The following SC5D variants were observed in gnomAD, a reference collection of about 807,000 sequenced individuals.
The protein encoded by SC5D is sterol-C5-desaturase, also known as lathosterol oxidase.
SC5D carries 21 observed loss-of-function variants against 23.9 expected under a neutral mutation model. The observed-to-expected ratio is 0.88, with a 90% CI of 0.62 to 1.26. The LOEUF is 1.26. SC5D is among the 50% of genes most tolerant of loss of function. The probability of loss-of-function intolerance (pLI) is 0.00; values close to 1 mark genes in which losing one functional copy is unlikely to be tolerated. For missense variants in SC5D, 309 were observed against 364.8 expected, an observed-to-expected ratio of 0.85 and a Z score of 1.25; for synonymous variants, 113 against 125.9, an observed-to-expected ratio of 0.90 and a Z score of 0.68.
intron 1 of SC5D, among the ~76,000 whole-genome samples, chr11:121,302,441 C>T (rs1264093723): frequency 6.6e-6 from 1 of 152,202 alleles, no homozygotes; most frequent in African/African-American, 2.4e-5. Context: ...TATCACCGAA[C>T]TGTATTGTAA....
intron 1 of SC5D, among the ~76,000 whole-genome samples, chr11:121,300,572 A>G (rs1225693078): frequency 6.6e-6 from 1 of 152,224 alleles, no homozygotes; most frequent in African/African-American, 2.4e-5. Flanking sequence ...CACTATTATC[A>G]GCTGGCACTA....
At chr11:121,306,602 G>A (rs1202053019) in intron 4 of SC5D, 116 bp downstream of exon 4, 1 of 713,620 alleles carries the variant, frequency 1.4e-6, no homozygotes, top group Non-Finnish European at 2.6e-6. Context: ...TGTCTAAGTA[G>A]CCATAATCAT....
At chr11:121,298,871 A>G (rs950297961) in intron 1 of SC5D, among the ~76,000 whole-genome samples, 6 of 152,164 alleles carry the variant, frequency 3.9e-5, no homozygotes, top group African/African-American at 7.2e-5. Context: ...GGTAGTGGAA[A>G]ATTATAGTCA....
In SC5D at chr11:121,312,342, T is replaced by C. The variant is rs1397103925; in HGVS notation, c.*4830T>C. The stretch of plus-strand genomic sequence containing the variant: ...GCATTTTTAAATCTCTAAGCTCAAC[T>C]TGAAGATATAAGAACAGTAAATTTG... On this transcript the variant is annotated 3_prime_UTR_variant, in exon 5 of 5. Coordinates refer to ENST00000264027, the MANE Select transcript of SC5D (RefSeq NM_006918.5). Among the ~76,000 whole-genome samples, 7 of 152,178 alleles carry C rather than the reference T, an allele frequency of 4.6e-5. No individual in the cohort carries two copies. Among genetic ancestry groups the C allele is most frequent in the Non-Finnish European group, 1.0e-4 (7 of 67,984 alleles).
In SC5D at chr11:121,308,709, G is replaced by A. The variant is rs994841790; in HGVS notation, c.*1197G>A. The A allele has an allele frequency of 1.2e-4, 18 of 152,672 alleles. No homozygotes were observed. The highest frequency in any genetic ancestry group is 3.9e-4 in the African/African-American group (16 of 41,452). 9.5% of individuals were successfully genotyped at this position (152,672 alleles called of 1,614,324 possible). On this transcript the variant is annotated 3_prime_UTR_variant, in exon 5 of 5. Coordinates refer to ENST00000264027, the MANE Select transcript of SC5D (RefSeq NM_006918.5). ...TGTGCCAATTTGAAGCCACAGAAATGATGTGGATTGTTAATTGTGTTTTAG... is the reference window on the plus strand; with the variant it reads ...TGTGCCAATTTGAAGCCACAGAAATAATGTGGATTGTTAATTGTGTTTTAG...
intron 1 of SC5D, among the ~76,000 whole-genome samples, chr11:121,299,454 T>C (rs1370952691): frequency 6.6e-6 from 1 of 152,276 alleles, no homozygotes; most frequent in Non-Finnish European, 1.5e-5. Flanking sequence ...ACATTGTTTA[T>C]TGTCTGTACC....
Position 121,307,182 on chromosome 11 carries a change from C to T in SC5D, c.570C>T (p.His190=). 2 of 1,614,050 alleles carry T rather than the reference C, an allele frequency of 1.2e-6. No homozygotes were observed. Among genetic ancestry groups the T allele is most frequent in the Non-Finnish European group, 1.7e-6 (2 of 1,179,946 alleles). The change falls in exon 5 of 5, where the codon CAC becomes CAT. Residue 190 remains histidine (H), a synonymous_variant. Coordinates refer to ENST00000264027, the MANE Select transcript of SC5D (RefSeq NM_006918.5). The stretch of plus-strand genomic sequence containing the variant: ...TATACCCTTTTATCTTTCCATTACA[C>T]AAGGTGGTTTATTTAAGTCTGTACA... ...YHIYPFIFPL[H]KVVYLSLYIL...
intron 3 of SC5D, 25 bp downstream of exon 3, chr11:121,304,518 G>T (rs369361565): frequency 3.7e-6 from 6 of 1,608,852 alleles, no homozygotes; most frequent in Non-Finnish European, 4.3e-6. Flanking sequence ...CGAGTGTCAG[G>T]AAGAGAGTAG....
chr11:121,307,174 C>G lies in SC5D; in HGVS notation c.562C>G (p.Pro188Ala), dbSNP rs1056187552. 1 of 1,614,026 alleles carries G rather than the reference C, an allele frequency of 6.2e-7. No homozygotes were observed. The highest frequency in any genetic ancestry group is 8.5e-7 in the Non-Finnish European group (1 of 1,179,922). Reference protein sequence around the residue: ...LPYHIYPFIFPLHKVVYLSLY... With the variant: ...LPYHIYPFIFALHKVVYLSLY... ...TTACCATATATACCCTTTTATCTTTCCATTACACAAGGTGGTTTATTTAAG... is the reference window on the plus strand; with the variant it reads ...TTACCATATATACCCTTTTATCTTTGCATTACACAAGGTGGTTTATTTAAG... Residue 188 changes from proline (P) to alanine (A), a missense_variant, in exon 5 of 5, where the codon CCA becomes GCA. Physicochemically the swap from Pro to Ala is conservative, Grantham distance 27. Coordinates refer to ENST00000264027, the MANE Select transcript of SC5D (RefSeq NM_006918.5).
chr11:121,301,823 A>G (rs1314756567), intron 1 of SC5D, among the ~76,000 whole-genome samples: 1 of 152,126 alleles, frequency 6.6e-6, no homozygotes, highest in Non-Finnish European at 1.5e-5. Context: ...TAGGGATGGA[A>G]AGATCTCCAA....
rs181814617 is a variant in SC5D at position 121,312,984 on chromosome 11, G to A, written c.*5472G>A. ...TGAAATTATAATTTACTATAATTAA[G>A]TGTAGCCATTTTTACTGTAGAGTTC... On this transcript the variant is annotated 3_prime_UTR_variant, in exon 5 of 5. Coordinates refer to ENST00000264027, the MANE Select transcript of SC5D (RefSeq NM_006918.5). Among the ~76,000 whole-genome samples the A allele has an allele frequency of 8.0e-4, 121 of 152,186 alleles. No individual in the cohort carries two copies. The highest frequency in any genetic ancestry group is 2.7e-3 in the African/African-American group (113 of 41,540).
Position 121,311,423 on chromosome 11 carries a change from C to A in SC5D, c.*3911C>A, listed in dbSNP as rs1368229770. ...GGTCCCTACATCAAGGATAAACTAT[C>A]TTTTTTTAGTCACTCAAAGTCATAA... On this transcript the variant is annotated 3_prime_UTR_variant, in exon 5 of 5. Coordinates refer to ENST00000264027, the MANE Select transcript of SC5D (RefSeq NM_006918.5). 2.6e-5 allele frequency among the ~76,000 whole-genome samples: 4 copies of A among 152,126 alleles called. No homozygotes were observed. Among genetic ancestry groups the A allele is most frequent in the Admixed American group, 2.0e-4 (3 of 15,266 alleles).
chr11:121,301,838 T>C (rs139407250), intron 1 of SC5D, among the ~76,000 whole-genome samples: 15 of 152,234 alleles, frequency 9.9e-5, no homozygotes, highest in South Asian at 4.2e-4. Context: ...CTCCAAGATA[T>C]ATATTCAATT....
chr11:121,295,519 A>T (rs528458107), intron 1 of SC5D, among the ~76,000 whole-genome samples: 1 of 152,278 alleles, frequency 6.6e-6, no homozygotes, highest in African/African-American at 2.4e-5. Flanking sequence ...CCTCAGAGGG[A>T]TGACTTTGAG....
Position 121,311,139 on chromosome 11 carries a change from A to G in SC5D, c.*3627A>G, listed in dbSNP as rs2115925. On this transcript the variant is annotated 3_prime_UTR_variant, in exon 5 of 5. Transcript: ENST00000264027. Reference sequence around the variant, plus strand: ...GTCTGAATCATCATTGTATTAAACCACTCATCCTTAACAAATGCCCAAGCC... The same window carrying G: ...GTCTGAATCATCATTGTATTAAACCGCTCATCCTTAACAAATGCCCAAGCC... Among the ~76,000 whole-genome samples the G allele has an allele frequency of 0.11, 16,491 of 152,228 alleles. 1,099 individuals carry two copies. The highest frequency in any genetic ancestry group is 0.27 in the East Asian group (1,389 of 5,176).
At position 121,303,427 on chromosome 11, in the gene SC5D, T is replaced by C; in HGVS notation, c.52T>C (p.Tyr18His). 6.2e-7 allele frequency: 1 copy of C among 1,614,056 alleles called. No individual in the cohort carries two copies. Among genetic ancestry groups the C allele is most frequent in the Non-Finnish European group, 8.5e-7 (1 of 1,179,982 alleles). ...ADYYFFTPYV[Y>H]PATWPEDDIF... The stretch of plus-strand genomic sequence containing the variant: ...TTACTATTTTTTTACACCATACGTG[T>C]ATCCAGCCACATGGCCAGAAGATGA... Residue 18 changes from tyrosine (Y) to histidine (H), a missense_variant, in exon 2 of 5, where the codon TAT becomes CAT. Tyr to His is a moderately conservative substitution (Grantham distance 83). Transcript: ENST00000264027.
chr11:121,313,124 A>G lies in SC5D; in HGVS notation c.*5612A>G, dbSNP rs1362590266. On this transcript the variant is annotated 3_prime_UTR_variant, in exon 5 of 5. Transcript: ENST00000264027. ...GTTTGCAGTCATTCTCCCCAGCCCT[A>G]GGTCACCACTGATCCACCTTCTGTT... Among the ~76,000 whole-genome samples, 1 of 152,164 alleles carries G rather than the reference A, an allele frequency of 6.6e-6. No homozygotes were observed. The highest frequency in any genetic ancestry group is 2.4e-5 in the African/African-American group (1 of 41,436).
At position 121,307,974 on chromosome 11, in the gene SC5D, G is replaced by T. The variant is rs1349367822; in HGVS notation, c.*462G>T. ...TTTCAGGAATGGTTAATTCTTCAAC[G>T]TTGGTATGATAATGATAACTTGTTT... On this transcript the variant is annotated 3_prime_UTR_variant, in exon 5 of 5. Coordinates refer to ENST00000264027, the MANE Select transcript of SC5D (RefSeq NM_006918.5). 1 of 157,418 alleles carries T rather than the reference G, an allele frequency of 6.4e-6. No individual in the cohort carries two copies. The highest frequency in any genetic ancestry group is 2.4e-5 in the African/African-American group (1 of 41,458). 9.8% of individuals were successfully genotyped at this position (157,418 alleles called of 1,614,324 possible).
chr11:121,302,344 T>C (rs555986722), intron 1 of SC5D, among the ~76,000 whole-genome samples: 1 of 152,266 alleles, frequency 6.6e-6, no homozygotes, highest in African/African-American at 2.4e-5. Context: ...GCTGAACACG[T>C]TTTCTTGTGC....
Sources: gnomAD v4.1 joint callset for allele counts (sites outside exome capture counted in the v4.1 genomes callset) on GRCh38, gnomAD v4.1.1 for gene constraint, MANE v1.5 for transcripts, NCBI Gene and HGNC (gene_info 2026-07-23, HGNC 2026-07-21) for gene names.